FRYL: variants seen among roughly 807,000 people sequenced by gnomAD.
FRYL encodes protein furry homolog-like.
FRYL carries 150 observed loss-of-function variants against 351.2 expected under a neutral mutation model. The observed-to-expected ratio is 0.43, with a 90% CI of 0.37 to 0.49. The LOEUF (loss-of-function observed/expected upper bound fraction) is 0.49, where lower values mean the gene tolerates loss of function less well. FRYL is among the 20% of genes least tolerant of loss of function. The probability of loss-of-function intolerance (pLI) is 0.00; values close to 1 mark genes in which losing one functional copy is unlikely to be tolerated. For synonymous variants in FRYL, 1,153 were observed against 1,257.1 expected, an observed-to-expected ratio of 0.92 and a Z score of 1.75; for missense variants, 3,036 against 3,619.3, an observed-to-expected ratio of 0.84 and a Z score of 4.13.
intron 15 of FRYL, 54 bp downstream of exon 15, chr4:48,595,536 A>C: frequency 9.8e-7 from 1 of 1,019,636 alleles, no homozygotes; most frequent in Non-Finnish European, 1.4e-6. Flanking sequence ...AAGTGATTAC[A>C]ATAGATTACT....
chr4:48,711,394 G>A (rs1419286532), intron 1 of FRYL, among the ~76,000 whole-genome samples: 11 of 152,388 alleles, frequency 7.2e-5, no homozygotes, highest in East Asian at 5.8e-4. Context: ...CTTAAAAAAC[G>A]GCGCACCAGG....
chr4:48,562,624 A>G (rs141117354), intron 32 of FRYL, among the ~76,000 whole-genome samples: 65 of 152,338 alleles, frequency 4.3e-4, no homozygotes, highest in African/African-American at 1.0e-3. Context: ...ACACATATTT[A>G]TAAGTACCTT....
At chr4:48,554,502 A>G (rs1474173116) in intron 35 of FRYL, among the ~76,000 whole-genome samples, 1 of 152,006 alleles carries the variant, frequency 6.6e-6, no homozygotes, top group Admixed American at 6.6e-5. Context: ...CCACACCCAG[A>G]TAATTTTCGT....
At chr4:48,714,384 TAAAG>T (rs1768489725) in intron 1 of FRYL, among the ~76,000 whole-genome samples, 1 of 127,350 alleles carries the variant, frequency 7.9e-6, no homozygotes, top group African/African-American at 2.8e-5. Context: ...GCAAGACTAA[TAAAG>T]AAAAAAAGAG....
At chr4:48,542,729 T>G (rs1578029245) in intron 44 of FRYL, among the ~76,000 whole-genome samples, 1 of 152,184 alleles carries the variant, frequency 6.6e-6, no homozygotes, top group South Asian at 2.1e-4. Context: ...AATATCACTT[T>G]TAAAATACAC....
At position 48,590,839 on chromosome 4, in the gene FRYL, G is replaced by A; in HGVS notation, c.1336-9C>T. ...AGACCTATGTTCATTCTCTTCAAAG[G>A]AAAAAAATGCAAAAGGAAGAGATGA... On this transcript the variant is annotated splice_polypyrimidine_tract_variant and intron_variant, in intron 16 of 63. Coordinates refer to ENST00000358350, the MANE Select transcript of FRYL (RefSeq NM_015030.2). The A allele has an allele frequency of 6.3e-7, 1 of 1,583,488 alleles. No individual in the cohort carries two copies. The highest frequency in any genetic ancestry group is 1.9e-5 in the Admixed American group (1 of 52,512).
chr4:48,667,987 T>C (rs779218271), intron 3 of FRYL, among the ~76,000 whole-genome samples: 4 of 152,194 alleles, frequency 2.6e-5, no homozygotes, highest in Non-Finnish European at 4.4e-5. Flanking sequence ...GTTACTTGTA[T>C]GTAGCTCTCT....
At chr4:48,562,215 A>G (rs1735682619) in intron 32 of FRYL, among the ~76,000 whole-genome samples, 1 of 152,148 alleles carries the variant, frequency 6.6e-6, no homozygotes, top group South Asian at 2.1e-4. Context: ...AGTGAAAAAA[A>G]AAAACCCTTC....
intron 1 of FRYL, among the ~76,000 whole-genome samples, chr4:48,736,153 T>A (rs981065348): frequency 2.6e-5 from 4 of 152,056 alleles, no homozygotes; most frequent in South Asian, 2.1e-4. Context: ...GAGAATTTTT[T>A]AAATATTTTA....
At chr4:48,656,684 GATAC>G (rs1366284230) in intron 3 of FRYL, among the ~76,000 whole-genome samples, 9 of 119,316 alleles carry the variant, frequency 7.5e-5, no homozygotes, top group Non-Finnish European at 1.5e-4. Context: ...ATATATGACT[GATAC>G]ATATATATGC....
At chr4:48,745,609 G>T (rs990946599) in intron 1 of FRYL, among the ~76,000 whole-genome samples, 4 of 152,122 alleles carry the variant, frequency 2.6e-5, no homozygotes, top group Admixed American at 6.6e-5. Flanking sequence ...GTTGTGGGGT[G>T]GGGGGAGTGG....
intron 2 of FRYL, among the ~76,000 whole-genome samples, chr4:48,709,739 CATTCTAGA>C (rs1767797153): frequency 6.6e-6 from 1 of 152,206 alleles, no homozygotes. Context: ...AATTAACTGG[CATTCTAGA>C]AAACTATGCA....
rs1560707361 is a variant in FRYL, at chr4:48,609,077, C to A, written c.492-10G>T. 4.6e-6 allele frequency: 7 copies of A among 1,513,554 alleles called. No homozygotes were observed. The highest frequency in any genetic ancestry group is 1.4e-5 in the African/African-American group (1 of 72,560). 93.8% of individuals were successfully genotyped at this position (1,513,554 alleles called of 1,614,324 possible). A position where few individuals can be genotyped will look rare whatever the true frequency, so the allele number is the denominator to read the frequency against. The stretch of plus-strand genomic sequence containing the variant: ...GTTGGTTCCTGAATATCTAAAATAA[C>A]AAAAGAACAAACATAACATTTCATT... On this transcript the variant is annotated splice_polypyrimidine_tract_variant and intron_variant, in intron 8 of 63. Transcript: ENST00000358350.
At chr4:48,769,864 CA>C (rs1775334305) in intron 1 of FRYL, among the ~76,000 whole-genome samples, 1 of 152,104 alleles carries the variant, frequency 6.6e-6, no homozygotes, top group Admixed American at 6.6e-5. Context: ...GAGACATTCT[CA>C]AAATGATAGA....
At chr4:48,729,220 C>A (rs1440769036) in intron 1 of FRYL, among the ~76,000 whole-genome samples, 1 of 152,220 alleles carries the variant, frequency 6.6e-6, no homozygotes, top group African/African-American at 2.4e-5. Flanking sequence ...ACAGTGTAAA[C>A]AAAGTGGCAA....
intron 1 of FRYL, among the ~76,000 whole-genome samples, chr4:48,748,921 T>C (rs922294044): frequency 6.6e-6 from 1 of 152,112 alleles, no homozygotes; most frequent in African/African-American, 2.4e-5. Flanking sequence ...TCAACACAGA[T>C]TGGAAGCAAG....
In FRYL at chr4:48,515,286, A is replaced by G. The variant is rs1723329014; in HGVS notation, c.7690-11T>C. ...TACTGAAGTTGTATCCTACAAAACA[A>G]TCATAGTTTTAGTGAACTATAAACA... On this transcript the variant is annotated splice_polypyrimidine_tract_variant and intron_variant, in intron 55 of 63. Transcript: ENST00000358350. 1 of 1,585,742 alleles carries G rather than the reference A, an allele frequency of 6.3e-7. No individual in the cohort carries two copies. Among genetic ancestry groups the G allele is most frequent in the Non-Finnish European group, 8.6e-7 (1 of 1,162,996 alleles).
Position 48,542,031 on chromosome 4 carries a change from A to C in FRYL, c.5683T>G (p.Ser1895Ala), listed in dbSNP as rs1560569055. The change falls in exon 45 of 64, where the codon TCT (serine) becomes GCT (alanine). Residue 1895 changes from serine to alanine, a missense_variant. Transcript: ENST00000358350. ...MKHYDLLSAL[S>A]QTSYHDPIMG... ...TTGCCTGGTTTAAATTCTTACTGAG[A>C]AAGGGCAGAAAGAAGATCATAATGC... is the stretch of plus-strand genomic sequence containing the variant. The C allele has an allele frequency of 6.2e-7, 1 of 1,609,026 alleles. No individual in the cohort carries two copies. The highest frequency in any genetic ancestry group is 8.5e-7 in the Non-Finnish European group (1 of 1,175,396).
At chr4:48,714,840 T>C (rs1167319641) in intron 1 of FRYL, among the ~76,000 whole-genome samples, 39 of 146,334 alleles carry the variant, frequency 2.7e-4, no homozygotes, top group African/African-American at 7.1e-4. Flanking sequence ...TTTAGACCAA[T>C]ATCCTTGATG....
Sources: allele counts gnomAD v4.1 joint callset (sites outside exome capture counted in the v4.1 genomes callset), GRCh38; gene constraint gnomAD v4.1.1; transcripts MANE v1.5; gene names NCBI Gene and HGNC (gene_info 2026-07-23, HGNC 2026-07-21).